Variants in SLC24A3 observed in about 807,000 individuals in gnomAD.
SLC24A3 encodes the protein sodium/potassium/calcium exchanger 3.
In SLC24A3, 28 loss-of-function variants were observed where a neutral mutation model predicts 75.8. The observed-to-expected ratio is 0.37, with a 90% CI of 0.27 to 0.51. The LOEUF is 0.51. SLC24A3 is among the 20% of genes least tolerant of loss of function. The pLI is 0.94. For synonymous variants in SLC24A3, 372 were observed against 334.1 expected, an observed-to-expected ratio of 1.11 and a Z score of -1.24; for missense variants, 663 against 847.8, an observed-to-expected ratio of 0.78 and a Z score of 2.71.
At chr20:19,390,067 C>G (rs1986340258) in intron 2 of SLC24A3, among the ~76,000 whole-genome samples, 1 of 152,006 alleles carries the variant, frequency 6.6e-6, no homozygotes, top group Admixed American at 6.6e-5. Context: ...TTGTTGTTTC[C>G]TTTTTATGGT....
chr20:19,604,780 C>T (rs752467548), intron 6 of SLC24A3, among the ~76,000 whole-genome samples: 1 of 152,152 alleles, frequency 6.6e-6, no homozygotes, highest in African/African-American at 2.4e-5. Flanking sequence ...CCTCCATTAC[C>T]CTCTGCCTAC....
intron 2 of SLC24A3, among the ~76,000 whole-genome samples, chr20:19,452,425 T>TGTGTGTGTGTGTGTGTGTG (rs56271347): frequency 8.7e-5 from 10 of 115,484 alleles, no homozygotes; most frequent in East Asian, 4.6e-4. Context: ...TGTGTGTGTG[T>TGTGTGTGTGTGTGTGTGTG]TGGGGAAGTA....
intron 1 of SLC24A3, among the ~76,000 whole-genome samples, chr20:19,266,829 AT>A (rs1485617613): frequency 1.3e-5 from 2 of 152,178 alleles, no homozygotes; most frequent in African/African-American, 2.4e-5. Context: ...AGGAAAGTAT[AT>A]TTTTTAAGAA....
chr20:19,679,731 G>C (rs2032587262), intron 9 of SLC24A3, among the ~76,000 whole-genome samples: 1 of 151,956 alleles, frequency 6.6e-6, no homozygotes, highest in Non-Finnish European at 1.5e-5. Flanking sequence ...ATTTTCAGTG[G>C]CCTCACAAAT....
intron 2 of SLC24A3, among the ~76,000 whole-genome samples, chr20:19,470,749 C>G (rs896783083): frequency 6.6e-5 from 10 of 152,178 alleles, no homozygotes; most frequent in Non-Finnish European, 1.3e-4. Flanking sequence ...CCAAGTAGAT[C>G]ACACACGTAT....
intron 3 of SLC24A3, among the ~76,000 whole-genome samples, chr20:19,546,836 C>T (rs1288833967): frequency 6.6e-6 from 1 of 152,200 alleles, no homozygotes; most frequent in Non-Finnish European, 1.5e-5. Context: ...CAGAGTCCAC[C>T]CTGGGGTCAG....
chr20:19,559,230 T>A (rs956008601), intron 3 of SLC24A3, among the ~76,000 whole-genome samples: 14 of 152,228 alleles, frequency 9.2e-5, no homozygotes, highest in East Asian at 3.8e-4. Flanking sequence ...AATATGAACA[T>A]CTTTTCATCA....
chr20:19,584,959 G>A lies in SLC24A3; in HGVS notation c.424-12G>A. 6.2e-7 allele frequency: 1 copy of A among 1,609,248 alleles called. No individual in the cohort carries two copies. Among genetic ancestry groups the A allele is most frequent in the Non-Finnish European group, 8.5e-7 (1 of 1,176,682 alleles). On this transcript the variant is annotated splice_polypyrimidine_tract_variant and intron_variant, in intron 4 of 16. Coordinates refer to ENST00000328041, the MANE Select transcript of SLC24A3 (RefSeq NM_020689.4). ...CCCAACTCACCTGTGCTTTGTCTTT[G>A]CTCCTCTGTAGCGCCTGCACCTCAG...
intron 10 of SLC24A3, among the ~76,000 whole-genome samples, chr20:19,683,834 C>A (rs147324568): frequency 1.4e-4 from 21 of 152,282 alleles, no homozygotes; most frequent in African/African-American, 4.8e-4. Flanking sequence ...CATGAACACC[C>A]ATGGAAAGGA....
intron 2 of SLC24A3, among the ~76,000 whole-genome samples, chr20:19,332,177 G>A (rs1985014755): frequency 1.3e-5 from 2 of 152,206 alleles, no homozygotes; most frequent in South Asian, 4.1e-4. Flanking sequence ...TGGAAGGTTG[G>A]AAGAATGAAG....
chr20:19,719,043 G>A (rs1413056383), intron 16 of SLC24A3, among the ~76,000 whole-genome samples: 1 of 152,162 alleles, frequency 6.6e-6, no homozygotes, highest in Admixed American at 6.5e-5. Flanking sequence ...ATAAAACCAC[G>A]AGAGTGCAGG....
chr20:19,607,395 C>T (rs1000865570), intron 6 of SLC24A3, among the ~76,000 whole-genome samples: 2 of 152,176 alleles, frequency 1.3e-5, no homozygotes, highest in African/African-American at 4.8e-5. Context: ...CACTCCTCAT[C>T]CTTGGTCTTG....
chr20:19,397,420 C>T (rs1986473209), intron 2 of SLC24A3, among the ~76,000 whole-genome samples: 1 of 152,078 alleles, frequency 6.6e-6, no homozygotes, highest in Admixed American at 6.6e-5. Flanking sequence ...AGTTGGAAAC[C>T]CCAACAGTTG....
intron 1 of SLC24A3, among the ~76,000 whole-genome samples, chr20:19,276,205 G>T (rs1354157140): frequency 6.6e-6 from 1 of 152,086 alleles, no homozygotes; most frequent in Admixed American, 6.6e-5. Flanking sequence ...AGTGCAAGAA[G>T]ATAGCCCTCC....
intron 2 of SLC24A3, among the ~76,000 whole-genome samples, chr20:19,514,501 C>A (rs1238581413): frequency 6.6e-6 from 1 of 152,182 alleles, no homozygotes; most frequent in Non-Finnish European, 1.5e-5. Context: ...CTTCTTTCAG[C>A]AGCTGGTGAT....
chr20:19,250,415 T>A (rs1982616800), intron 1 of SLC24A3, among the ~76,000 whole-genome samples: 2 of 152,212 alleles, frequency 1.3e-5, no homozygotes, highest in African/African-American at 2.4e-5. Flanking sequence ...ATGGACACAG[T>A]CTAAACTTGC....
At chr20:19,273,315 T>A (rs1240169896) in intron 1 of SLC24A3, among the ~76,000 whole-genome samples, 1 of 152,168 alleles carries the variant, frequency 6.6e-6, no homozygotes, top group Non-Finnish European at 1.5e-5. Flanking sequence ...ATAGGGGAGT[T>A]GCACTGGGAC....
At chr20:19,630,948 A>G (rs1025737641) in intron 6 of SLC24A3, among the ~76,000 whole-genome samples, 2 of 152,242 alleles carry the variant, frequency 1.3e-5, no homozygotes, top group East Asian at 3.8e-4. Flanking sequence ...CTGCTTCAGA[A>G]TAAAAACCAA....
At chr20:19,415,180 C>G (rs1257484045) in intron 2 of SLC24A3, among the ~76,000 whole-genome samples, 1 of 152,136 alleles carries the variant, frequency 6.6e-6, no homozygotes, top group Non-Finnish European at 1.5e-5. Flanking sequence ...TATAAGGATC[C>G]TGGTGGTGTT....
Sources: allele counts gnomAD v4.1 joint callset (sites outside exome capture counted in the v4.1 genomes callset), GRCh38; gene constraint gnomAD v4.1.1; transcripts MANE v1.5; gene names NCBI Gene and HGNC (gene_info 2026-07-23, HGNC 2026-07-21).